NINJ2: variants seen among roughly 807,000 people sequenced by gnomAD.
NINJ2 encodes ninjurin-2.
NINJ2 carries 12 observed loss-of-function variants against 11.7 expected under a neutral mutation model. That is an observed-to-expected ratio of 1.02 (90% confidence interval 0.66 to 1.66). The LOEUF (loss-of-function observed/expected upper bound fraction) is 1.66. Ranked by LOEUF, NINJ2 falls within the 40% of genes most tolerant of loss-of-function variation. The pLI, the probability that NINJ2 is intolerant of heterozygous loss-of-function variation, is 0.00. For synonymous variants in NINJ2, 93 were observed against 76.8 expected (o/e 1.21, Z -1.10); for missense variants, 187 against 181.8 (o/e 1.03, Z -0.16).
rs2120460770 is a variant in NINJ2, at chr12:636,558, AAGG to A, written c.33+26767_33+26769del. Among the ~76,000 whole-genome samples the A allele has an allele frequency of 2.0e-5, 3 of 152,268 alleles. No individual in the cohort carries two copies. The South Asian group carries it at 6.2e-4, about 32-fold the overall frequency. On this transcript the variant is annotated intron_variant, in intron 1 of 3. Coordinates refer to ENST00000305108, the MANE Select transcript of NINJ2 (RefSeq NM_016533.6). ...GAAAACCAAACAACTCAATTCAAAA[AAGG>A]AGAAGGAACTAGGGTAGACATTTCT... is the stretch of plus-strand genomic sequence containing the variant.
At chr12:575,829 A>C (rs1947449192) in intron 1 of NINJ2, among the ~76,000 whole-genome samples, 1 of 152,066 alleles carries the variant, frequency 6.6e-6, no homozygotes, top group Non-Finnish European at 1.5e-5. Flanking sequence ...TGGGGAGTGA[A>C]TCTTTGCTCT....
rs564961907 is a variant in NINJ2, at chr12:606,753, C to T, written c.34-40575G>A. Among the ~76,000 whole-genome samples the T allele has an allele frequency of 3.9e-5, 6 of 152,306 alleles. No individual in the cohort carries two copies. In the South Asian group the frequency reaches 1.0e-3, roughly 26 times the overall value. On this transcript the variant is annotated intron_variant, in intron 1 of 3. Transcript: ENST00000305108. ...ACAAAAATTGTCCTTCCTTTGCTCA[C>T]TTTCTTAGGGAGTTACTGGAAGGTG...
intron 1 of NINJ2, among the ~76,000 whole-genome samples, chr12:642,198 A>G (rs1377465446): frequency 6.6e-6 from 1 of 152,230 alleles, no homozygotes. Context: ...CAGAGAGGAA[A>G]AAAAAGTCTA....
chr12:622,113 C>T (rs1173283432), intron 1 of NINJ2, among the ~76,000 whole-genome samples: 1 of 107,510 alleles, frequency 9.3e-6, no homozygotes, highest in African/African-American at 3.8e-5. Flanking sequence ...CAGAGCAAGA[C>T]TGTGTCGGGA....
intron 1 of NINJ2, among the ~76,000 whole-genome samples, chr12:651,481 C>G (rs1190843573): frequency 1.3e-5 from 2 of 152,178 alleles, no homozygotes; most frequent in African/African-American, 2.4e-5. Context: ...ACTTCCCCTC[C>G]CCTCACATTT....
intron 1 of NINJ2, among the ~76,000 whole-genome samples, chr12:582,308 TGCTAGAGTGAATGAATGAATGGAC>T (rs1158372082): frequency 3.4e-4 from 32 of 94,746 alleles, no homozygotes; most frequent in African/African-American, 6.8e-4. Context: ...CAGGCAGGCA[TGCTAGAGTGAATGAATGAATGGAC>T]GCAGGCAGGC....
intron 1 of NINJ2, among the ~76,000 whole-genome samples, chr12:637,816 G>A (rs1317247610): frequency 6.6e-6 from 1 of 152,068 alleles, no homozygotes; most frequent in African/African-American, 2.4e-5. Flanking sequence ...TTACGGGTGG[G>A]GTAAAAGAAA....
intron 1 of NINJ2, among the ~76,000 whole-genome samples, chr12:634,630 T>G (rs1948326025): frequency 6.6e-6 from 1 of 152,124 alleles, no homozygotes. Context: ...AATCCTGACT[T>G]GCATCCTCTA....
At chr12:610,418 G>C in intron 1 of NINJ2, 1 of 1,535,562 alleles carries the variant, frequency 6.5e-7, no homozygotes, top group Non-Finnish European at 8.7e-7. Flanking sequence ...GCAATTACTG[G>C]AGAACAGGAA....
At chr12:620,690 C>T (rs980778150) in intron 1 of NINJ2, among the ~76,000 whole-genome samples, 6 of 152,104 alleles carry the variant, frequency 3.9e-5, no homozygotes, top group African/African-American at 1.2e-4. Flanking sequence ...AGTGCAGTGG[C>T]GCAATCTTGG....
chr12:588,481 A>G (rs140728782), intron 1 of NINJ2, among the ~76,000 whole-genome samples: 1 of 152,342 alleles, frequency 6.6e-6, no homozygotes, highest in African/African-American at 2.4e-5. Flanking sequence ...AGAACACTTT[A>G]TATATCTGAA....
At chr12:570,523 C>A (rs1272392568) in intron 1 of NINJ2, among the ~76,000 whole-genome samples, 1 of 152,222 alleles carries the variant, frequency 6.6e-6, no homozygotes, top group African/African-American at 2.4e-5. Flanking sequence ...GGCCCCCGCT[C>A]CCGCTCAGAG....
intron 1 of NINJ2, among the ~76,000 whole-genome samples, chr12:567,451 T>C (rs1006262789): frequency 6.6e-6 from 1 of 152,204 alleles, no homozygotes; most frequent in African/African-American, 2.4e-5. Flanking sequence ...TTTGATTTTG[T>C]TTTGAAGTAT....
At chr12:642,982 C>T (rs1311232799) in intron 1 of NINJ2, 1 of 150,486 alleles carries the variant, frequency 6.6e-6, no homozygotes, top group Non-Finnish European at 1.5e-5. Flanking sequence ...CCCTCCCTCC[C>T]CAGCTGGCCC....
rs377140055 is a variant in NINJ2, at chr12:565,419, G to C, written c.263-18C>G. On this transcript the variant is annotated intron_variant, in intron 2 of 3. Coordinates refer to ENST00000305108, the MANE Select transcript of NINJ2 (RefSeq NM_016533.6). ...CAGCCGTGCTGCAGGGAAGTGGAGTGGGGGGAAAGGGTCAGAGACGGGGCC... is the reference window on the plus strand; with the variant it reads ...CAGCCGTGCTGCAGGGAAGTGGAGTCGGGGGAAAGGGTCAGAGACGGGGCC... 35 of 1,611,676 alleles carry C rather than the reference G, an allele frequency of 2.2e-5. No homozygotes were observed. The highest frequency in any genetic ancestry group is 1.7e-4 in the Admixed American group (10 of 59,950).
chr12:622,960 G>A (rs1196080650), intron 1 of NINJ2, among the ~76,000 whole-genome samples: 1 of 152,076 alleles, frequency 6.6e-6, no homozygotes, highest in Non-Finnish European at 1.5e-5. Context: ...TCTCCTAGTT[G>A]TCCATAGATC....
At chr12:648,040 G>T (rs2369394) in intron 1 of NINJ2, among the ~76,000 whole-genome samples, 149,473 of 152,324 alleles carry the variant, frequency 0.98, 73,394 homozygotes, top group East Asian at 1. Flanking sequence ...ACCCTTTCAC[G>T]GTGCATGGCA....
intron 1 of NINJ2, among the ~76,000 whole-genome samples, chr12:623,814 G>A (rs1369776257): frequency 3.3e-5 from 5 of 152,290 alleles, no homozygotes; most frequent in East Asian, 1.9e-4. Context: ...CAGAAGGATC[G>A]CTTGAGCCCA....
At chr12:653,465 G>A (rs1367125296) in intron 1 of NINJ2, among the ~76,000 whole-genome samples, 2 of 152,034 alleles carry the variant, frequency 1.3e-5, no homozygotes, top group East Asian at 3.8e-4. Flanking sequence ...TGCCAGCAAT[G>A]ATACGTGGAA....
Sources: gnomAD v4.1 joint callset for allele counts (sites outside exome capture counted in the v4.1 genomes callset) on GRCh38, gnomAD v4.1.1 for gene constraint, MANE v1.5 for transcripts, NCBI Gene and HGNC (gene_info 2026-07-23, HGNC 2026-07-21) for gene names.